FNDC3B: variants seen among roughly 807,000 people sequenced by gnomAD.
FNDC3B encodes the protein fibronectin type III domain containing 3B, also known as fibronectin type III domain-containing protein 3B.
In FNDC3B, 12 loss-of-function variants were observed where a neutral mutation model predicts 151.5. The observed-to-expected ratio is 0.08, with a 90% confidence interval of 0.05 to 0.13. The LOEUF is 0.13. Among genes scored for constraint, FNDC3B ranks in the 10% least tolerant of loss-of-function variants. The probability of loss-of-function intolerance (pLI) is 1.00; values close to 1 mark genes in which losing one functional copy is unlikely to be tolerated. For synonymous variants in FNDC3B, 528 were observed against 549.0 expected, an observed-to-expected ratio of 0.96 and a Z score of 0.54; for missense variants, 1,214 against 1,505.3, an observed-to-expected ratio of 0.81 and a Z score of 3.20.
intron 11 of FNDC3B, among the ~76,000 whole-genome samples, chr3:172,322,774 G>C (rs932870648): frequency 2.0e-5 from 3 of 152,186 alleles, no homozygotes; most frequent in African/African-American, 7.2e-5. Context: ...TACAGTGACA[G>C]GATGGACCTC....
intron 1 of FNDC3B, among the ~76,000 whole-genome samples, chr3:172,041,210 G>T (rs1716030183): frequency 6.6e-6 from 1 of 152,066 alleles, no homozygotes; most frequent in Non-Finnish European, 1.5e-5. Flanking sequence ...TCATATTTTG[G>T]AACGGGTGAG....
intron 1 of FNDC3B, among the ~76,000 whole-genome samples, chr3:172,054,097 G>T (rs1203280186): frequency 6.6e-6 from 1 of 152,172 alleles, no homozygotes; most frequent in Non-Finnish European, 1.5e-5. Context: ...GTTAATAAGA[G>T]TAAGATGCTG....
chr3:172,318,009 A>G (rs1731896352), intron 11 of FNDC3B, among the ~76,000 whole-genome samples: 1 of 152,186 alleles, frequency 6.6e-6, no homozygotes, highest in Non-Finnish European at 1.5e-5. Flanking sequence ...GGAAGTTCAC[A>G]TCTGGATACA....
chr3:172,314,404 A>G (rs564731184), intron 11 of FNDC3B, among the ~76,000 whole-genome samples: 1 of 152,328 alleles, frequency 6.6e-6, no homozygotes, highest in South Asian at 2.1e-4. Context: ...GGTTGTGTTC[A>G]GGCATAGCAC....
Position 172,399,856 on chromosome 3 carries a change from G to A in FNDC3B, c.*2381G>A, listed in dbSNP as rs1009189747. The A allele has an allele frequency of 1.3e-5, 2 of 152,292 alleles. No homozygotes were observed. Among genetic ancestry groups the A allele is most frequent in the African/African-American group, 4.8e-5 (2 of 41,318 alleles). The allele number at this position is 152,292 out of a possible 1,614,324, so 9.4% of individuals were successfully genotyped here. A position where few individuals can be genotyped will look rare whatever the true frequency, so the allele number is the denominator to read the frequency against. ...GTTGAATTTTTTTTTTAAGTAAATAGTACTTTAGGCCAAAATTTATATGAA... is the reference window on the plus strand; with the variant it reads ...GTTGAATTTTTTTTTTAAGTAAATAATACTTTAGGCCAAAATTTATATGAA... On this transcript the variant is annotated 3_prime_UTR_variant, in exon 26 of 26. Transcript: ENST00000415807.
chr3:172,314,824 G>A lies in FNDC3B; in HGVS notation c.1254+3943G>A, dbSNP rs1300577544. ...GGGCTCTGAAGTACAAGGGCAGGTG[G>A]AACCCTAATGGGGAGCAGAAAACAG... On this transcript the variant is annotated intron_variant, in intron 11 of 25. Coordinates refer to ENST00000415807, the MANE Select transcript of FNDC3B (RefSeq NM_022763.4). Among the ~76,000 whole-genome samples, 3 of 152,206 alleles carry A rather than the reference G, an allele frequency of 2.0e-5. No homozygotes were observed. In the East Asian group the frequency reaches 5.8e-4, roughly 29 times the overall value.
intron 25 of FNDC3B, among the ~76,000 whole-genome samples, chr3:172,385,019 A>ACTCCT (rs1735633971): frequency 6.6e-6 from 1 of 151,948 alleles, no homozygotes. Context: ...GATTAAGGAG[A>ACTCCT]GTAGTCGTAC....
intron 3 of FNDC3B, among the ~76,000 whole-genome samples, chr3:172,147,579 G>A (rs1721980539): frequency 6.6e-6 from 1 of 152,138 alleles, no homozygotes; most frequent in Non-Finnish European, 1.5e-5. Context: ...ATTATCAACA[G>A]GTAGTCTCGG....
At position 172,327,248 on chromosome 3, in the gene FNDC3B, A is replaced by G. The variant is rs903472663; in HGVS notation, c.1255-1704A>G. ...CAACTCGGCCACCAAGTTGCATCTG[A>G]ATGCACCTTGAACCCTTGATAAAAT... On this transcript the variant is annotated intron_variant, in intron 11 of 25. Transcript: ENST00000415807. Among the ~76,000 whole-genome samples, 7 of 152,246 alleles carry G rather than the reference A, an allele frequency of 4.6e-5. No individual in the cohort carries two copies. In the Middle Eastern group the frequency reaches 0.01, roughly 222 times the overall value.
At chr3:172,042,244 G>T (rs1005113372) in intron 1 of FNDC3B, among the ~76,000 whole-genome samples, 1 of 152,186 alleles carries the variant, frequency 6.6e-6, no homozygotes, top group African/African-American at 2.4e-5. Context: ...CACATCAGAC[G>T]ATGGGTTATA....
At chr3:172,134,462 T>G in intron 3 of FNDC3B, 1 of 493,666 alleles carries the variant, frequency 2.0e-6, no homozygotes, top group Non-Finnish European at 4.1e-6. Context: ...GGTTATTAAT[T>G]GAACTGGAAT....
chr3:172,143,727 G>A (rs968593599), intron 3 of FNDC3B, among the ~76,000 whole-genome samples: 3 of 151,788 alleles, frequency 2.0e-5, no homozygotes, highest in Non-Finnish European at 4.4e-5. Context: ...TGGCCAACAT[G>A]GTGAAACCTT....
At chr3:172,061,164 T>C (rs1026492265) in intron 1 of FNDC3B, among the ~76,000 whole-genome samples, 4 of 152,170 alleles carry the variant, frequency 2.6e-5, no homozygotes, top group African/African-American at 9.7e-5. Context: ...ATATGAATAA[T>C]GGATGCTTAT....
At chr3:172,330,790 A>ATTAGAT in intron 13 of FNDC3B, 75 bp downstream of exon 13, 5 of 1,196,434 alleles carry the variant, frequency 4.2e-6, no homozygotes, top group Non-Finnish European at 5.9e-6. Context: ...GCACCATGAA[A>ATTAGAT]TTAGATTAAC....
chr3:172,321,081 C>T lies in FNDC3B; in HGVS notation c.1255-7871C>T, dbSNP rs535717562. Among the ~76,000 whole-genome samples the T allele has an allele frequency of 6.6e-5, 10 of 152,290 alleles. No individual in the cohort carries two copies. The South Asian group carries it at 2.1e-3, about 32-fold the overall frequency. Reference sequence around the variant, plus strand: ...AGGTAGACCATCTGTAAATTTGTTTCTTCACTGGAACTCTTGTATGTTTGT... The same window carrying T: ...AGGTAGACCATCTGTAAATTTGTTTTTTCACTGGAACTCTTGTATGTTTGT... On this transcript the variant is annotated intron_variant, in intron 11 of 25. Coordinates refer to ENST00000415807, the MANE Select transcript of FNDC3B (RefSeq NM_022763.4).
intron 3 of FNDC3B, among the ~76,000 whole-genome samples, chr3:172,149,020 A>G (rs1235310124): frequency 6.6e-6 from 1 of 152,216 alleles, no homozygotes; most frequent in African/African-American, 2.4e-5. Context: ...ATTTGAGACA[A>G]AGTGCTGAAA....
chr3:172,324,732 G>A (rs978134760), intron 11 of FNDC3B, among the ~76,000 whole-genome samples: 5 of 152,196 alleles, frequency 3.3e-5, no homozygotes, highest in African/African-American at 1.2e-4. Flanking sequence ...ACTGGCTGGG[G>A]TTATATTGGT....
intron 6 of FNDC3B, among the ~76,000 whole-genome samples, chr3:172,277,002 T>C (rs1729465418): frequency 6.6e-6 from 1 of 152,206 alleles, no homozygotes. Flanking sequence ...ATTCGATTAA[T>C]GTTAAATCTG....
intron 16 of FNDC3B, among the ~76,000 whole-genome samples, chr3:172,338,849 G>A (rs907336216): frequency 3.3e-5 from 5 of 152,068 alleles, no homozygotes; most frequent in African/African-American, 9.7e-5. Flanking sequence ...CCATTCTCCC[G>A]CCTCAGCCTC....
Sources: gnomAD v4.1 joint callset for allele counts (sites outside exome capture counted in the v4.1 genomes callset) on GRCh38, gnomAD v4.1.1 for gene constraint, MANE v1.5 for transcripts, NCBI Gene and HGNC (gene_info 2026-07-23, HGNC 2026-07-21) for gene names.